Variants in SNTG1 observed in about 807,000 individuals in gnomAD.
SNTG1 encodes gamma-1-syntrophin.
Under a neutral mutation model 74.7 loss-of-function variants are expected in SNTG1, and 39 were observed. The observed-to-expected ratio is 0.52, with a 90% CI of 0.40 to 0.68. SNTG1 has a LOEUF of 0.68. SNTG1 is among the 30% of genes least tolerant of loss of function. The probability of loss-of-function intolerance (pLI) is 0.00; values close to 1 mark genes in which losing one functional copy is unlikely to be tolerated. For missense variants in SNTG1, 685 were observed against 609.5 expected (o/e 1.12, Z -1.30); for synonymous variants, 254 against 217.1 (o/e 1.17, Z -1.49).
intron 1 of SNTG1, among the ~76,000 whole-genome samples, chr8:50,129,341 C>T (rs1391718471): frequency 6.6e-6 from 1 of 152,040 alleles, no homozygotes; most frequent in African/African-American, 2.4e-5. Flanking sequence ...CAGAAGGAAA[C>T]CTTAGTGTCT....
chr8:50,673,709 C>A (rs1269086694), intron 15 of SNTG1, among the ~76,000 whole-genome samples: 1 of 152,222 alleles, frequency 6.6e-6, no homozygotes, highest in South Asian at 2.1e-4. Context: ...ATTTCCAATA[C>A]TATGTTGAAT....
chr8:50,165,293 G>C (rs1386243793), intron 1 of SNTG1, among the ~76,000 whole-genome samples: 1 of 152,288 alleles, frequency 6.6e-6, no homozygotes, highest in East Asian at 1.9e-4. Context: ...AGTGAGAAAA[G>C]ATTAATTTTC....
At chr8:50,651,723 C>G (rs545058969) in intron 13 of SNTG1, among the ~76,000 whole-genome samples, 4 of 152,074 alleles carry the variant, frequency 2.6e-5, no homozygotes, top group African/African-American at 9.6e-5. Flanking sequence ...TCCCAAAGTG[C>G]TGAGATTACA....
intron 12 of SNTG1, among the ~76,000 whole-genome samples, chr8:50,563,078 C>G (rs2094497329): frequency 1.3e-5 from 2 of 152,134 alleles, no homozygotes; most frequent in African/African-American, 2.4e-5. Context: ...GAACTGCTGT[C>G]CCTGAAGAGC....
chr8:50,299,953 TA>T (rs1414953513), intron 2 of SNTG1, among the ~76,000 whole-genome samples: 25 of 152,192 alleles, frequency 1.6e-4, no homozygotes, highest in Non-Finnish European at 3.4e-4. Context: ...AGGGTAGTTG[TA>T]AAGACTAAAT....
chr8:50,427,711 G>A (rs1309179559), intron 4 of SNTG1, among the ~76,000 whole-genome samples: 4 of 152,208 alleles, frequency 2.6e-5, no homozygotes, highest in African/African-American at 9.6e-5. Context: ...AAAGGCATGA[G>A]TCACTGCACC....
At chr8:50,631,073 G>A (rs1183762141) in intron 13 of SNTG1, among the ~76,000 whole-genome samples, 4 of 152,172 alleles carry the variant, frequency 2.6e-5, no homozygotes, top group African/African-American at 4.8e-5. Flanking sequence ...GCCCTCTTAC[G>A]GGGATAGGAG....
intron 2 of SNTG1, among the ~76,000 whole-genome samples, chr8:50,262,881 G>A (rs1217996321): frequency 6.6e-6 from 1 of 150,992 alleles, no homozygotes; most frequent in African/African-American, 2.4e-5. Flanking sequence ...TGGCATTCTG[G>A]AGAAGACAGA....
At chr8:50,703,597 T>G (rs933227632) in intron 15 of SNTG1, among the ~76,000 whole-genome samples, 4 of 152,142 alleles carry the variant, frequency 2.6e-5, no homozygotes, top group Admixed American at 2.6e-4. Context: ...TAATATTTAC[T>G]GTATTACTAT....
chr8:50,772,687 G>T (rs1040443772), intron 18 of SNTG1, among the ~76,000 whole-genome samples: 1 of 152,078 alleles, frequency 6.6e-6, no homozygotes, highest in African/African-American at 2.4e-5. Context: ...TTGTTCCTCT[G>T]AAACTCATGT....
At chr8:50,716,204 A>G (rs982170893) in intron 17 of SNTG1, among the ~76,000 whole-genome samples, 1 of 152,104 alleles carries the variant, frequency 6.6e-6, no homozygotes, top group East Asian at 1.9e-4. Flanking sequence ...TTAACCTTTT[A>G]TTTCTTAAAT....
rs530847586 is a variant in SNTG1, at chr8:50,342,394, C to T, written c.-27-51818C>T. 9.9e-5 allele frequency among the ~76,000 whole-genome samples: 15 copies of T among 152,210 alleles called. No individual in the cohort carries two copies. The South Asian group carries it at 2.9e-3, about 29-fold the overall frequency. ...ATGAACAATAATTGACTCCTTACTT[C>T]TATACTACGTTTTAAAGACAAGAAA... is the stretch of plus-strand genomic sequence containing the variant. On this transcript the variant is annotated intron_variant, in intron 2 of 18. Transcript: ENST00000642720.
chr8:50,213,234 T>C (rs765799714), intron 2 of SNTG1, among the ~76,000 whole-genome samples: 1 of 152,220 alleles, frequency 6.6e-6, no homozygotes, highest in South Asian at 2.1e-4. Flanking sequence ...TCTTAACATC[T>C]GAACAGGAAT....
At chr8:50,089,478 A>C (rs984310750) in intron 1 of SNTG1, among the ~76,000 whole-genome samples, 2 of 151,910 alleles carry the variant, frequency 1.3e-5, no homozygotes, top group African/African-American at 4.8e-5. Context: ...CAACCTACAA[A>C]ATGGGAGAAA....
chr8:50,783,163 G>A (rs1282978585), intron 18 of SNTG1, among the ~76,000 whole-genome samples: 5 of 152,178 alleles, frequency 3.3e-5, no homozygotes, highest in Non-Finnish European at 4.4e-5. Flanking sequence ...CCCACTTGAG[G>A]AGGCAGTCTG....
At chr8:49,926,083 T>C (rs1357834617) in intron 1 of SNTG1, among the ~76,000 whole-genome samples, 1 of 152,184 alleles carries the variant, frequency 6.6e-6, no homozygotes, top group Non-Finnish European at 1.5e-5. Flanking sequence ...GGTTTTTTAC[T>C]GGTTGCCTTT....
At chr8:50,704,113 G>T (rs988189542) in intron 15 of SNTG1, among the ~76,000 whole-genome samples, 1 of 150,838 alleles carries the variant, frequency 6.6e-6, no homozygotes, top group African/African-American at 2.4e-5. Context: ...TAAATAATGC[G>T]TTTTTTTTTA....
intron 1 of SNTG1, among the ~76,000 whole-genome samples, chr8:50,077,731 C>A (rs1196064182): frequency 6.6e-6 from 1 of 152,142 alleles, no homozygotes; most frequent in Non-Finnish European, 1.5e-5. Context: ...CCTTTGGAGA[C>A]AATTACTGCT....
chr8:50,072,515 G>T (rs1330769313), intron 1 of SNTG1, among the ~76,000 whole-genome samples: 1 of 152,110 alleles, frequency 6.6e-6, no homozygotes, highest in East Asian at 1.9e-4. Context: ...AGAAATCCAA[G>T]CATCTTCCCT....
Sources: gnomAD v4.1 joint callset for allele counts (sites outside exome capture counted in the v4.1 genomes callset) on GRCh38, gnomAD v4.1.1 for gene constraint, MANE v1.5 for transcripts, NCBI Gene and HGNC (gene_info 2026-07-23, HGNC 2026-07-21) for gene names.